Variants in SEMA6A observed in about 807,000 individuals in gnomAD.
SEMA6A encodes semaphorin-6A.
SEMA6A carries 25 observed loss-of-function variants against 96.8 expected under a neutral mutation model. The ratio of observed to expected loss-of-function variants is 0.26; its 90% CI spans 0.19 to 0.36. SEMA6A has a LOEUF of 0.36. Ranked by LOEUF, SEMA6A falls within the 10% of genes least tolerant of loss-of-function variation. The probability of loss-of-function intolerance (pLI) is 1.00; values close to 1 mark genes in which losing one functional copy is unlikely to be tolerated. For synonymous variants in SEMA6A, 612 were observed against 518.0 expected, an observed-to-expected ratio of 1.18 and a Z score of -2.46; for missense variants, 1,363 against 1,323.1, an observed-to-expected ratio of 1.03 and a Z score of -0.47.
rs113205855 is a variant in SEMA6A at position 116,567,854 on chromosome 5, G to C, written c.-39+6331C>G. ...GACATATTAATCGTTACACTGATTTGAACTATTTCAGAATTTAACTGAGCA... is the reference window on the plus strand; with the variant it reads ...GACATATTAATCGTTACACTGATTTCAACTATTTCAGAATTTAACTGAGCA... On this transcript the variant is annotated intron_variant, in intron 1 of 18. Transcript: ENST00000343348. Among the ~76,000 whole-genome samples the C allele has an allele frequency of 8.6e-3, 1,305 of 152,276 alleles. 17 individuals are homozygous for C. The highest frequency in any genetic ancestry group is 0.03 in the African/African-American group (1,249 of 41,536).
intron 18 of SEMA6A, 30 bp downstream of exon 18, chr5:116,467,553 C>G (rs772271343): frequency 1.3e-6 from 2 of 1,588,078 alleles, no homozygotes; most frequent in Admixed American, 1.8e-5. Context: ...CCCTCTCCCC[C>G]GAGAGGAAGA....
intron 1 of SEMA6A, among the ~76,000 whole-genome samples, chr5:116,543,158 C>G (rs189532261): frequency 1.3e-5 from 2 of 152,084 alleles, no homozygotes; most frequent in Admixed American, 1.3e-4. Flanking sequence ...TGACTATAAC[C>G]GGATTCCTTG....
chr5:116,507,696 A>C lies in SEMA6A; in HGVS notation c.-38-2714T>G, dbSNP rs537534179. Among the ~76,000 whole-genome samples the C allele has an allele frequency of 2.0e-5, 3 of 152,360 alleles. No homozygotes were observed. In the South Asian group the frequency reaches 6.2e-4, roughly 32 times the overall value. The stretch of plus-strand genomic sequence containing the variant: ...ATAGGCTAAATATAACTTAGACTTA[A>C]GCAGCTATTCAGAAAATTAGATAAA... On this transcript the variant is annotated intron_variant, in intron 1 of 18. Transcript: ENST00000343348.
intron 1 of SEMA6A, among the ~76,000 whole-genome samples, chr5:116,509,442 A>T (rs1758303287): frequency 6.6e-6 from 1 of 152,188 alleles, no homozygotes; most frequent in African/African-American, 2.4e-5. Flanking sequence ...AGAGCACATT[A>T]ATGGCGTTGA....
intron 3 of SEMA6A, among the ~76,000 whole-genome samples, chr5:116,499,487 A>G (rs1400782663): frequency 6.6e-6 from 1 of 152,220 alleles, no homozygotes; most frequent in Non-Finnish European, 1.5e-5. Flanking sequence ...AGAAACCTAG[A>G]TCTCTCAGAG....
chr5:116,496,421 A>G (rs1757607090), intron 4 of SEMA6A, 108 bp from the exon 5 acceptor site: 4 of 838,394 alleles, frequency 4.8e-6, no homozygotes, highest in Non-Finnish European at 7.6e-6. Context: ...TATTTATTGA[A>G]AGCTTTCTGC....
intron 16 of SEMA6A, among the ~76,000 whole-genome samples, chr5:116,474,596 T>C (rs181203325): frequency 1.1e-3 from 175 of 152,292 alleles, no homozygotes; most frequent in African/African-American, 4.1e-3. Flanking sequence ...TTATAACTAA[T>C]CTCTAAAAAA....
chr5:116,530,099 ATT>A (rs145093476), intron 1 of SEMA6A, among the ~76,000 whole-genome samples: 2,539 of 152,260 alleles, frequency 0.017, 80 homozygotes, highest in African/African-American at 0.058. Context: ...TCAGAGTTGT[ATT>A]TTGTTTTCCC....
chr5:116,472,352 T>G (rs1756199118), intron 17 of SEMA6A: 1 of 152,320 alleles, frequency 6.6e-6, no homozygotes, highest in Non-Finnish European at 1.5e-5. Flanking sequence ...GAAATCGCAC[T>G]GAAAACATAT....
chr5:116,510,991 A>G (rs1259530551), intron 1 of SEMA6A, among the ~76,000 whole-genome samples: 1 of 152,200 alleles, frequency 6.6e-6, no homozygotes, highest in Non-Finnish European at 1.5e-5. Context: ...AGGCCTTATT[A>G]TCTGTGTTGT....
At chr5:116,571,854 C>T (rs182781963) in intron 1 of SEMA6A, among the ~76,000 whole-genome samples, 12 of 152,232 alleles carry the variant, frequency 7.9e-5, no homozygotes, top group Admixed American at 5.2e-4. Flanking sequence ...CAATCTTGAC[C>T]GCTGGTAGCC....
chr5:116,463,001 AAG>A (rs1309747978), intron 18 of SEMA6A, among the ~76,000 whole-genome samples: 4 of 152,236 alleles, frequency 2.6e-5, no homozygotes, highest in African/African-American at 4.8e-5. Context: ...AATAAAAAAA[AAG>A]TGTCACTTTT....
At chr5:116,512,934 A>G (rs1399756967) in intron 1 of SEMA6A, among the ~76,000 whole-genome samples, 1 of 152,134 alleles carries the variant, frequency 6.6e-6, no homozygotes, top group Non-Finnish European at 1.5e-5. Context: ...TGCCATCACC[A>G]TCTTTGTAAA....
In SEMA6A at chr5:116,445,872, AAG is replaced by A. The variant is rs1445226520; in HGVS notation, c.*739_*740del. The A allele has an allele frequency of 1.3e-5, 2 of 152,670 alleles. No individual in the cohort carries two copies. Among genetic ancestry groups the A allele is most frequent in the African/African-American group, 4.8e-5 (2 of 41,456 alleles). 9.5% of individuals were successfully genotyped at this position (152,670 alleles called of 1,614,324 possible). A position where few individuals can be genotyped will look rare whatever the true frequency, so the allele number is the denominator to read the frequency against. ...GAGCTGTTCATAGGATGATATTTGGAAGAGTCCTTTCCTTAAGGAAAAAAAGG... is the reference window on the plus strand; with the variant it reads ...GAGCTGTTCATAGGATGATATTTGGAAGTCCTTTCCTTAAGGAAAAAAAGG... On this transcript the variant is annotated 3_prime_UTR_variant, in exon 19 of 19. Transcript: ENST00000343348.
intron 1 of SEMA6A, among the ~76,000 whole-genome samples, chr5:116,516,857 A>C (rs9327005): frequency 0.097 from 14,817 of 152,230 alleles, 1,082 homozygotes; most frequent in African/African-American, 0.2. Flanking sequence ...TTGACTCCTT[A>C]AACAGGTGAC....
At chr5:116,559,599 G>C (rs557838686) in intron 1 of SEMA6A, among the ~76,000 whole-genome samples, 1 of 152,184 alleles carries the variant, frequency 6.6e-6, no homozygotes, top group Non-Finnish European at 1.5e-5. Flanking sequence ...ACCAATACAA[G>C]AGCCTTGCAA....
chr5:116,517,850 G>GA (rs1337475805), intron 1 of SEMA6A, among the ~76,000 whole-genome samples: 10 of 152,124 alleles, frequency 6.6e-5, no homozygotes, highest in Non-Finnish European at 1.2e-4. Context: ...TCTCTCTGTA[G>GA]AAAATGGACA....
Position 116,446,526 on chromosome 5 carries a change from G to A in SEMA6A, c.*87C>T, listed in dbSNP as rs1754218890. ...GCCGCAGGCCTTCTTGGTCTGGTGG[G>A]TACTCGAGGCAGTTGAGAACCTTGC... On this transcript the variant is annotated 3_prime_UTR_variant, in exon 19 of 19. Transcript: ENST00000343348. The A allele has an allele frequency of 8.6e-7, 1 of 1,156,646 alleles. No homozygotes were observed. Among genetic ancestry groups the A allele is most frequent in the South Asian group, 1.8e-5 (1 of 54,104 alleles). 71.6% of individuals were successfully genotyped at this position (1,156,646 alleles called of 1,614,324 possible).
At position 116,456,464 on chromosome 5, in the gene SEMA6A, G is replaced by A. The variant is rs145493613; in HGVS notation, c.1895-8653C>T. ...GAAATCGACCTTGTTTTATTGGAAAGACAATCAAATTCCTAACAAACACTT... is the reference window on the plus strand; with the variant it reads ...GAAATCGACCTTGTTTTATTGGAAAAACAATCAAATTCCTAACAAACACTT... On this transcript the variant is annotated intron_variant, in intron 18 of 18. Transcript: ENST00000343348. Among the ~76,000 whole-genome samples the A allele has an allele frequency of 7.2e-5, 11 of 152,306 alleles. No homozygotes were observed. In the East Asian group the frequency reaches 2.1e-3, roughly 29 times the overall value.
Sources: gnomAD v4.1 joint callset for allele counts (sites outside exome capture counted in the v4.1 genomes callset) on GRCh38, gnomAD v4.1.1 for gene constraint, MANE v1.5 for transcripts, NCBI Gene and HGNC (gene_info 2026-07-23, HGNC 2026-07-21) for gene names.